The following GREM1 variants were observed in gnomAD, a reference collection of about 807,000 sequenced individuals.
GREM1 encodes gremlin 1, DAN family BMP antagonist.
GREM1 carries 6 observed loss-of-function variants against 13.1 expected under a neutral mutation model. The ratio of observed to expected loss-of-function variants is 0.46; its 90% confidence interval spans 0.25 to 0.91. The LOEUF (loss-of-function observed/expected upper bound fraction) is 0.91, where lower values mean the gene tolerates loss of function less well. Ranked by LOEUF, GREM1 falls within the 40% of genes least tolerant of loss-of-function variation. GREM1 has a pLI of 0.18. For missense variants in GREM1, 185 were observed against 233.9 expected (o/e 0.79, Z 1.36); for synonymous variants, 98 against 93.7 (o/e 1.05, Z -0.27).
chr15:32,719,631 T>C (rs931033962), intron 1 of GREM1, among the ~76,000 whole-genome samples: 1 of 152,038 alleles, frequency 6.6e-6, no homozygotes, highest in Non-Finnish European at 1.5e-5. Flanking sequence ...GGTGTGCGCG[T>C]CTGTTTATGT....
chr15:32,720,251 C>CT (rs1392084231), intron 1 of GREM1, among the ~76,000 whole-genome samples: 3 of 152,156 alleles, frequency 2.0e-5, no homozygotes, highest in African/African-American at 4.8e-5. Flanking sequence ...CTAATGCGGT[C>CT]TTTATGTGAG....
In GREM1 at chr15:32,734,666, T is replaced by C. The variant is rs1029711144; in HGVS notation, c.*3421T>C. On this transcript the variant is annotated 3_prime_UTR_variant, in exon 2 of 2. Coordinates refer to ENST00000651154, the MANE Select transcript of GREM1 (RefSeq NM_013372.7). ...ACTAATAAATTAAACCTATTCTTTC[T>C]GTGTGTGTGAGCGTGCGTTTGTGTT... The C allele has an allele frequency of 1.3e-5, 3 of 236,934 alleles. No individual in the cohort carries two copies. Among genetic ancestry groups the C allele is most frequent in the South Asian group, 1.8e-4 (1 of 5,490 alleles). The allele number at this position is 236,934 out of a possible 1,614,324, so 14.7% of individuals were successfully genotyped here.
intron 1 of GREM1, among the ~76,000 whole-genome samples, chr15:32,721,152 C>T (rs1427697405): frequency 1.3e-5 from 2 of 151,410 alleles, no homozygotes; most frequent in South Asian, 2.1e-4. Flanking sequence ...GTGAAAACTC[C>T]GTCAAAAAAA....
At position 32,730,700 on chromosome 15, in the gene GREM1, A is replaced by G. The variant is rs776296145; in HGVS notation, c.10A>G (p.Thr4Ala). The change falls in exon 2 of 2, where the codon ACA (threonine) becomes GCA (alanine). Residue 4 changes from threonine (T) to alanine (A), a missense_variant. Physicochemically the swap from Thr to Ala is moderately conservative, Grantham distance 58 (BLOSUM62 0). Transcript: ENST00000651154. Reference protein sequence around the residue: MSRTAYTVGALLLL... With the variant: MSRAAYTVGALLLL... ...GCTTCCTTTCTTTAGTATGAGCCGCACAGCCTACACGGTGGGAGCCCTGCT... is the reference window on the plus strand; with the variant it reads ...GCTTCCTTTCTTTAGTATGAGCCGCGCAGCCTACACGGTGGGAGCCCTGCT... The G allele has an allele frequency of 7.1e-6, 11 of 1,542,624 alleles. No homozygotes were observed. Among genetic ancestry groups the G allele is most frequent in the Non-Finnish European group, 8.7e-6 (10 of 1,149,368 alleles).
intron 1 of GREM1, 48 bp downstream of exon 1, chr15:32,718,209 G>C (rs1023896768): frequency 1.5e-6 from 2 of 1,324,438 alleles, no homozygotes; most frequent in African/African-American, 2.9e-5. Context: ...GGAGGGAAGA[G>C]GGCCGCAAAC....
Position 32,738,644 on chromosome 15 carries a change from A to C in GREM1, c.*7399A>C, listed in dbSNP as rs114462669. On this transcript the variant is annotated 3_prime_UTR_variant, in exon 2 of 2. Coordinates refer to ENST00000651154, the MANE Select transcript of GREM1 (RefSeq NM_013372.7). Reference sequence around the variant, plus strand: ...AATAATCTTAAAAAAGATTTTAAAAAGTTGGAGAACTCACACTTCCTGGTT... The same window carrying C: ...AATAATCTTAAAAAAGATTTTAAAACGTTGGAGAACTCACACTTCCTGGTT... The C allele has an allele frequency of 6.6e-4, 100 of 152,314 alleles. No homozygotes were observed. Among genetic ancestry groups the C allele is most frequent in the African/African-American group, 2.4e-3 (99 of 41,572 alleles). The allele number at this position is 152,314 out of a possible 1,614,324, so 9.4% of individuals were successfully genotyped here.
chr15:32,721,492 C>T (rs185181331), intron 1 of GREM1, among the ~76,000 whole-genome samples: 30 of 152,276 alleles, frequency 2.0e-4, no homozygotes, highest in African/African-American at 6.7e-4. Flanking sequence ...AGGTGGCTCA[C>T]GCTTGTAATC....
chr15:32,740,532 G>A lies in GREM1; in HGVS notation c.*9287G>A, dbSNP rs1478710850. ...CAATGAACTTGAAGACAGGTCATTG[G>A]AAATAATTCAGTTAGAGGAGAAATT... On this transcript the variant is annotated 3_prime_UTR_variant, in exon 2 of 2. Transcript: ENST00000651154. 6.6e-6 allele frequency: 1 copy of A among 151,960 alleles called. No individual in the cohort carries two copies. Among genetic ancestry groups the A allele is most frequent in the African/African-American group, 2.4e-5 (1 of 41,344 alleles). The allele number at this position is 151,960 out of a possible 1,614,324, so 9.4% of individuals were successfully genotyped here. A position where few individuals can be genotyped will look rare whatever the true frequency, so the allele number is the denominator to read the frequency against.
rs1403667181 is a variant in GREM1, at chr15:32,735,302, T to C, written c.*4057T>C. 1 of 152,164 alleles carries C rather than the reference T, an allele frequency of 6.6e-6. No homozygotes were observed. Among genetic ancestry groups the C allele is most frequent in the African/African-American group, 2.4e-5 (1 of 41,436 alleles). The allele number at this position is 152,164 out of a possible 1,614,324, so 9.4% of individuals were successfully genotyped here. Reference sequence around the variant, plus strand: ...ATCCCAGCAGCTATGTATGGGATGGTTACACCAGACACTGTGCTAAGGATT... The same window carrying C: ...ATCCCAGCAGCTATGTATGGGATGGCTACACCAGACACTGTGCTAAGGATT... On this transcript the variant is annotated 3_prime_UTR_variant, in exon 2 of 2. Coordinates refer to ENST00000651154, the MANE Select transcript of GREM1 (RefSeq NM_013372.7).
At position 32,738,125 on chromosome 15, in the gene GREM1, A is replaced by AAAAAAAAAAAAAAAAAAAAAAAAAAAAC; in HGVS notation, c.*6888_*6889insAAAAAAAAAAAAAAAAAAACAAAAAAAA. 6 of 27,966 alleles carry AAAAAAAAAAAAAAAAAAAAAAAAAAAAC rather than the reference A, an allele frequency of 2.1e-4. 2 individuals carry two copies. The highest frequency in any genetic ancestry group is 4.4e-4 in the Admixed American group (1 of 2,284). 1.7% of individuals were successfully genotyped at this position (27,966 alleles called of 1,614,324 possible). ...AAAAAAAAAAAAAAAAAAAAAAAAA[A>AAAAAAAAAAAAAAAAAAAAAAAAAAAAC]AAAAAAAAGAAAAGAAAAAAGTCAT... On this transcript the variant is annotated 3_prime_UTR_variant, in exon 2 of 2. Coordinates refer to ENST00000651154, the MANE Select transcript of GREM1 (RefSeq NM_013372.7).
rs199894051 is a variant in GREM1 at position 32,730,767 on chromosome 15, A to G, written c.77A>G (p.Lys26Arg). 369 of 1,612,428 alleles carry G rather than the reference A, an allele frequency of 2.3e-4. No homozygotes were observed. The highest frequency in any genetic ancestry group is 3.0e-4 in the Non-Finnish European group (355 of 1,179,564). The change falls in exon 2 of 2, where the codon AAG becomes AGG. Residue 26 changes from lysine (K) to arginine (R), a missense_variant. Lys to Arg is a conservative substitution (Grantham distance 26). Transcript: ENST00000651154. ...GTLLPAAEGK[K>R]KGSQGAIPPP... ...CTGCTGCCGGCTGCTGAAGGGAAAA[A>G]GAAAGGGTCCCAAGGTGCCATCCCC...
rs78991407 is a variant in GREM1 at position 32,720,162 on chromosome 15, A to G, written c.-2+2001A>G. Among the ~76,000 whole-genome samples the G allele has an allele frequency of 0.015, 2,347 of 152,264 alleles. 113 individuals are homozygous for G. In the East Asian group the frequency reaches 0.2, roughly 13 times the overall value. On this transcript the variant is annotated intron_variant, in intron 1 of 1. Transcript: ENST00000651154. The stretch of plus-strand genomic sequence containing the variant: ...AGTCTTTTGTAAACTTTGTAATTTC[A>G]CAGGTTTCCTATTTTCTTAAAAGTT...
rs374434005 is a variant in GREM1, at chr15:32,718,619, T to G, written c.-2+458T>G. ...TGTGCTTGGGGCGCCGCGCTGGGTC[T>G]GGGGGCGTCTTGGGGCGCCCATTGG... On this transcript the variant is annotated intron_variant, in intron 1 of 1. Transcript: ENST00000651154. 1.5e-3 allele frequency: 543 copies of G among 374,294 alleles called. 4 individuals are homozygous for G. The highest frequency in any genetic ancestry group is 0.011 in the African/African-American group (507 of 47,228). The allele number at this position is 374,294 out of a possible 1,614,324, so 23.2% of individuals were successfully genotyped here.
rs764973719 is a variant in GREM1 at position 32,731,258 on chromosome 15, T to G, written c.*13T>G. On this transcript the variant is annotated 3_prime_UTR_variant, in exon 2 of 2. Transcript: ENST00000651154. The stretch of plus-strand genomic sequence containing the variant: ...CGATTTGGATTAAGCCAAATCCAGG[T>G]GCACCCAGCATGTCCTAGGAATGCA... The G allele has an allele frequency of 6.2e-7, 1 of 1,601,754 alleles. No individual in the cohort carries two copies. Among genetic ancestry groups the G allele is most frequent in the Admixed American group, 1.7e-5 (1 of 59,650 alleles).
At chr15:32,728,439 T>C (rs559006106) in intron 1 of GREM1, among the ~76,000 whole-genome samples, 2 of 152,328 alleles carry the variant, frequency 1.3e-5, no homozygotes, top group African/African-American at 4.8e-5. Flanking sequence ...GCTCCGAACT[T>C]ATAATGGTCT....
At chr15:32,720,304 T>A (rs2055383893) in intron 1 of GREM1, among the ~76,000 whole-genome samples, 1 of 152,194 alleles carries the variant, frequency 6.6e-6, no homozygotes, top group African/African-American at 2.4e-5. Flanking sequence ...GTCCTACATC[T>A]CTGAATGAGG....
intron 1 of GREM1, among the ~76,000 whole-genome samples, chr15:32,719,201 C>A (rs1407151701): frequency 6.6e-6 from 1 of 152,242 alleles, no homozygotes; most frequent in African/African-American, 2.4e-5. Flanking sequence ...GGGGCTGTCA[C>A]CTCCTTGCTG....
rs1485235537 is a variant in GREM1 at position 32,740,582 on chromosome 15, C to T, written c.*9337C>T. 1.3e-5 allele frequency: 2 copies of T among 151,822 alleles called. No individual in the cohort carries two copies. Among genetic ancestry groups the T allele is most frequent in the Non-Finnish European group, 2.9e-5 (2 of 67,976 alleles). The allele number at this position is 151,822 out of a possible 1,614,324, so 9.4% of individuals were successfully genotyped here. On this transcript the variant is annotated 3_prime_UTR_variant, in exon 2 of 2. Coordinates refer to ENST00000651154, the MANE Select transcript of GREM1 (RefSeq NM_013372.7). ...TAAAATGAAAAAGAGTGAAAAAAAG[C>T]CCAAGGGTCTTATGGGCAACATCAA...
intron 1 of GREM1, among the ~76,000 whole-genome samples, chr15:32,730,101 G>C (rs1453635456): frequency 2.0e-5 from 3 of 152,210 alleles, no homozygotes; most frequent in Non-Finnish European, 4.4e-5. Flanking sequence ...ACATCTTTAA[G>C]ATCAGATAGC....
Sources: gnomAD v4.1 joint callset for allele counts (sites outside exome capture counted in the v4.1 genomes callset) on GRCh38, gnomAD v4.1.1 for gene constraint, MANE v1.5 for transcripts, NCBI Gene and HGNC (gene_info 2026-07-23, HGNC 2026-07-21) for gene names.